Variants in TRRAP observed in about 807,000 individuals in gnomAD.
The protein encoded by TRRAP is transformation/transcription domain associated protein.
In TRRAP, 41 loss-of-function variants were observed where a neutral mutation model predicts 438.8. That is an observed-to-expected ratio of 0.09 (90% CI 0.07 to 0.12). TRRAP has a LOEUF of 0.12. TRRAP is among the 10% of genes least tolerant of loss of function. TRRAP has a pLI of 1.00. For missense variants in TRRAP, 3,122 were observed against 5,055.1 expected (o/e 0.62, Z 11.60); for synonymous variants, 1,994 against 1,962.9 (o/e 1.02, Z -0.42).
intron 18 of TRRAP, among the ~76,000 whole-genome samples, 180 bp downstream of exon 18, chr7:98,912,393 T>C (rs1177168196): frequency 1.3e-5 from 2 of 152,004 alleles, no homozygotes; most frequent in Admixed American, 1.3e-4. Context: ...CTGGCTTTTT[T>C]TTTTTTTAAT....
In TRRAP at chr7:98,908,596, G is replaced by A. The variant is rs564689602; in HGVS notation, c.1116-132G>A. On this transcript the variant is annotated intron_variant, in intron 13 of 72. Transcript: ENST00000456197. This position sits in a 1 kb window ranked among gnomAD's most constrained non-coding sequence, Gnocchi z 4.1. ...TCATGTATCTGGGAGAGAGTAATGT[G>A]GTGAAAATGGGCCATGTAAGTGTGC... 1.0e-5 allele frequency: 7 copies of A among 700,386 alleles called. No homozygotes were observed. The highest frequency in any genetic ancestry group is 1.8e-5 in the African/African-American group (1 of 56,996). The allele number at this position is 700,386 out of a possible 1,614,324, so 43.4% of individuals were successfully genotyped here.
chr7:98,938,282 T>C (rs1301212518), intron 30 of TRRAP, among the ~76,000 whole-genome samples: 1 of 152,192 alleles, frequency 6.6e-6, no homozygotes, highest in Non-Finnish European at 1.5e-5. Flanking sequence ...AAGGTTGCAG[T>C]GAGCCGAGAT....
chr7:98,987,419 A>G (rs1442881505), intron 62 of TRRAP, among the ~76,000 whole-genome samples: 3 of 152,210 alleles, frequency 2.0e-5, no homozygotes, highest in African/African-American at 7.2e-5. Flanking sequence ...TTTTTAGTGT[A>G]CAAGTCTTGC....
In TRRAP at chr7:98,970,186, C is replaced by G; in HGVS notation, c.7587C>G (p.Thr2529=). 6.2e-7 allele frequency: 1 copy of G among 1,613,934 alleles called. No homozygotes were observed. The highest frequency in any genetic ancestry group is 8.5e-7 in the Non-Finnish European group (1 of 1,180,022). ...SCQGAMLPSI[T]NVINLADSHD... The stretch of plus-strand genomic sequence containing the variant: ...AAGGAGCCATGCTCCCGTCCATCAC[C>G]AACGTCATCAACCTGGCCGATAGCC... Residue 2529 remains threonine (T), a synonymous_variant, in exon 52 of 73, where the codon ACC becomes ACG. Coordinates refer to ENST00000456197, the MANE Select transcript of TRRAP (RefSeq NM_001375524.1).
rs1257161390 is a variant in TRRAP, at chr7:99,007,936, C to G, written c.10754-441C>G. Among the ~76,000 whole-genome samples the G allele has an allele frequency of 1.7e-4, 26 of 151,748 alleles. 1 individual carries two copies. The highest frequency in any genetic ancestry group is 1.4e-3 in the Admixed American group (22 of 15,244). ...TGACTCCCTGGTTCAGGTGATTCTC[C>G]TGCCTCAGCCTCCTGAGTAGTTGGG... is the stretch of plus-strand genomic sequence containing the variant. On this transcript the variant is annotated intron_variant, in intron 69 of 72. Coordinates refer to ENST00000456197, the MANE Select transcript of TRRAP (RefSeq NM_001375524.1).
At chr7:98,969,711 C>G (rs544883093) in intron 51 of TRRAP, among the ~76,000 whole-genome samples, 4 of 139,606 alleles carry the variant, frequency 2.9e-5, no homozygotes, top group Non-Finnish European at 6.1e-5. Context: ...ACGGGGAAGC[C>G]TACACTGTCG....
intron 69 of TRRAP, among the ~76,000 whole-genome samples, chr7:99,007,184 G>A (rs888185005): frequency 6.6e-6 from 1 of 152,206 alleles, no homozygotes; most frequent in Non-Finnish European, 1.5e-5. Context: ...ATGACCTGAG[G>A]GATGATTTTC....
intron 51 of TRRAP, among the ~76,000 whole-genome samples, chr7:98,969,411 C>T (rs1792306050): frequency 6.6e-6 from 1 of 152,210 alleles, no homozygotes; most frequent in African/African-American, 2.4e-5. Flanking sequence ...GTCAGTCCAC[C>T]CTGTTTCCTG....
chr7:99,000,775 AC>A (rs1054035839), intron 67 of TRRAP, among the ~76,000 whole-genome samples: 6 of 151,930 alleles, frequency 3.9e-5, no homozygotes, highest in Non-Finnish European at 7.4e-5. Flanking sequence ...CCTCATCAGC[AC>A]CCTGAAGGGT....
intron 23 of TRRAP, among the ~76,000 whole-genome samples, chr7:98,928,756 A>T (rs1407869286): frequency 2.7e-5 from 4 of 147,942 alleles, no homozygotes; most frequent in African/African-American, 9.9e-5. Context: ...GGTTTTCTTT[A>T]TTTTTTTTTT....
chr7:98,992,723 C>G (rs1191843217), intron 65 of TRRAP, among the ~76,000 whole-genome samples: 2 of 152,186 alleles, frequency 1.3e-5, no homozygotes, highest in Non-Finnish European at 2.9e-5. Flanking sequence ...AAAGCAACAA[C>G]TGATTTGATG....
intron 67 of TRRAP, among the ~76,000 whole-genome samples, chr7:98,995,522 C>T (rs1388467095): frequency 1.3e-5 from 2 of 151,994 alleles, no homozygotes; most frequent in Non-Finnish European, 1.5e-5. Flanking sequence ...CAGATTAATG[C>T]GTTTTCCTAG....
rs375911574 is a variant in TRRAP, at chr7:98,927,196, T to C, written c.3005T>C (p.Ile1002Thr). ...NFTEKTIPNVIISHRYKAQDT... is the reference protein window; with the variant it reads ...NFTEKTIPNVTISHRYKAQDT... The stretch of plus-strand genomic sequence containing the variant: ...ACAGAAAAGACCATCCCCAATGTTA[T>C]CATCTCACATCGCTACAAAGCCCAG... The change falls in exon 23 of 73, where the codon ATC becomes ACC. Residue 1002 changes from isoleucine to threonine, a missense_variant. This residue lies in a region of TRRAP where 133 missense variants were observed against 188.6 expected (regional missense o/e 0.71). Transcript: ENST00000456197. 8.1e-6 allele frequency: 13 copies of C among 1,614,104 alleles called. No homozygotes were observed. The African/African-American group carries it at 1.1e-4, about 13-fold the overall frequency.
In TRRAP at chr7:99,005,807, T is replaced by C. The variant is rs562742516; in HGVS notation, c.10753+459T>C. ...TTGGACATCCCTGTTCTAAGGTCTT[T>C]TGCACTCTACGGAGTGGGCCCCTGG... On this transcript the variant is annotated intron_variant, in intron 69 of 72. Coordinates refer to ENST00000456197, the MANE Select transcript of TRRAP (RefSeq NM_001375524.1). This position sits in a 1 kb window ranked among gnomAD's most constrained non-coding sequence, Gnocchi z 5.1. Among the ~76,000 whole-genome samples the C allele has an allele frequency of 6.6e-6, 1 of 152,182 alleles. No individual in the cohort carries two copies. Among genetic ancestry groups the C allele is most frequent in the African/African-American group, 2.4e-5 (1 of 41,534 alleles).
intron 21 of TRRAP, among the ~76,000 whole-genome samples, chr7:98,922,956 A>T (rs1249417606): frequency 1.3e-5 from 2 of 152,140 alleles, no homozygotes; most frequent in Non-Finnish European, 2.9e-5. Context: ...TGGTACAGAT[A>T]AGCGTCACTC....
intron 39 of TRRAP, among the ~76,000 whole-genome samples, chr7:98,952,309 G>A (rs1474221215): frequency 6.6e-6 from 1 of 152,052 alleles, no homozygotes; most frequent in Non-Finnish European, 1.5e-5. Flanking sequence ...ACAATTTTTT[G>A]AACGTAGACA....
At chr7:98,924,059 T>C (rs1789925128) in intron 21 of TRRAP, among the ~76,000 whole-genome samples, 1 of 152,272 alleles carries the variant, frequency 6.6e-6, no homozygotes, top group African/African-American at 2.4e-5. Flanking sequence ...CTTTCAGTTT[T>C]GAACCTAGGC....
intron 67 of TRRAP, among the ~76,000 whole-genome samples, chr7:99,001,514 T>C (rs1407870346): frequency 6.6e-6 from 1 of 151,950 alleles, no homozygotes; most frequent in Admixed American, 6.5e-5. Context: ...AGAAATGGGA[T>C]AGATCTTCTG....
intron 21 of TRRAP, among the ~76,000 whole-genome samples, chr7:98,922,567 G>A (rs951581812): frequency 1.3e-4 from 20 of 151,990 alleles, no homozygotes; most frequent in Non-Finnish European, 2.1e-4. Flanking sequence ...CCATCGTCAC[G>A]TTGGCTTTTC....
Sources: allele counts gnomAD v4.1 joint callset (sites outside exome capture counted in the v4.1 genomes callset), GRCh38; gene constraint gnomAD v4.1.1; regional missense constraint gnomAD v4.1.1; non-coding constraint Gnocchi (gnomAD v3.1); transcripts MANE v1.5; gene names NCBI Gene and HGNC (gene_info 2026-07-23, HGNC 2026-07-21).